The following PMM2 variants were observed in gnomAD, a reference collection of about 807,000 sequenced individuals.
PMM2 encodes the protein phosphomannomutase 2.
A neutral mutation model predicts 33.2 loss-of-function variants in PMM2; 35 were observed. That is an observed-to-expected ratio of 1.06 (90% CI 0.81 to 1.40). PMM2 has a LOEUF of 1.40. PMM2 is among the 40% of genes most tolerant of loss of function. The probability of loss-of-function intolerance (pLI) is 0.00; values close to 1 mark genes in which losing one functional copy is unlikely to be tolerated. For missense variants in PMM2, 386 were observed against 306.0 expected (o/e 1.26, Z -1.95); for synonymous variants, 153 against 114.7 (o/e 1.33, Z -2.13).
At chr16:8,824,155 A>G (rs1420095685) in intron 7 of PMM2, among the ~76,000 whole-genome samples, 1 of 152,234 alleles carries the variant, frequency 6.6e-6, no homozygotes, top group African/African-American at 2.4e-5. Context: ...AGCTCAAAAG[A>G]AAAATAGTTT....
chr16:8,813,166 G>T, intron 7 of PMM2, 60 bp downstream of exon 7: 1 of 1,074,762 alleles, frequency 9.3e-7, no homozygotes, highest in South Asian at 1.2e-5. Context: ...GGGGGAAATT[G>T]ACAACTGGGC....
chr16:8,832,794 C>G (rs563717323), intron 7 of PMM2: 2 of 985,328 alleles, frequency 2.0e-6, no homozygotes, highest in South Asian at 9.4e-5. Context: ...CCCGCTGTGG[C>G]CCGGCCCCAG....
intron 7 of PMM2, among the ~76,000 whole-genome samples, chr16:8,830,038 G>C (rs1208438941): frequency 1.3e-5 from 2 of 152,202 alleles, no homozygotes; most frequent in Non-Finnish European, 2.9e-5. Context: ...GCTACAGACA[G>C]ATACCCTGTG....
intron 7 of PMM2, among the ~76,000 whole-genome samples, chr16:8,819,242 A>G (rs1244210990): frequency 2.6e-5 from 4 of 152,350 alleles, no homozygotes; most frequent in Admixed American, 1.3e-4. Context: ...CTGGGATGCC[A>G]TGTAGCTGTA....
At chr16:8,810,247 G>A (rs758800598) in intron 4 of PMM2, 17 of 152,172 alleles carry the variant, frequency 1.1e-4, no homozygotes, top group Non-Finnish European at 1.6e-4. Flanking sequence ...ACTGAGGCTC[G>A]TTGGACAATT....
rs1217092307 is a variant in PMM2, at chr16:8,797,931, C to G, written c.49C>G (p.Leu17Val). 6.2e-7 allele frequency: 1 copy of G among 1,608,456 alleles called. No individual in the cohort carries two copies. The highest frequency in any genetic ancestry group is 1.1e-5 in the South Asian group (1 of 89,934). Residue 17 changes from leucine (L) to valine (V), a missense_variant, in exon 1 of 8, where the codon CTC (leucine) becomes GTC (valine). Transcript: ENST00000268261. Reference sequence around the variant, plus strand: ...CTGCCTCTTCGACGTGGATGGGACCCTCACCGCCCCGCGGCAGGTAAGTGG... The same window carrying G: ...CTGCCTCTTCGACGTGGATGGGACCGTCACCGCCCCGCGGCAGGTAAGTGG... ...ALCLFDVDGT[L>V]TAPRQKITKE...
chr16:8,832,648 C>T, intron 7 of PMM2: 21 of 985,436 alleles, frequency 2.1e-5, no homozygotes, highest in Non-Finnish European at 2.5e-5. Flanking sequence ...CTCCTAACTG[C>T]TCCCTTCAAT....
chr16:8,818,299 T>C (rs2060719106), intron 7 of PMM2, among the ~76,000 whole-genome samples: 1 of 152,254 alleles, frequency 6.6e-6, no homozygotes, highest in African/African-American at 2.4e-5. Flanking sequence ...GGGGTTTTGC[T>C]ATCATAACTA....
At position 8,801,860 on chromosome 16, in the gene PMM2, T is replaced by C; in HGVS notation, c.128T>C (p.Val43Ala). 6.2e-7 allele frequency: 1 copy of C among 1,612,018 alleles called. No individual in the cohort carries two copies. The highest frequency in any genetic ancestry group is 8.5e-7 in the Non-Finnish European group (1 of 1,178,762). ...QKLRQKIKIG[V>A]VGGSDFEKVQ... is the part of the protein sequence containing the mutation. ...TTGAGGCAGAAGATCAAAATCGGAGTGGTAGGCGGATCGGACTTTGAGAAA... is the reference window on the plus strand; with the variant it reads ...TTGAGGCAGAAGATCAAAATCGGAGCGGTAGGCGGATCGGACTTTGAGAAA... The change falls in exon 2 of 8, where the codon GTG (valine) becomes GCG (alanine). Residue 43 changes from valine (V) to alanine (A), a missense_variant. Physicochemically the swap from Val to Ala is moderately conservative, Grantham distance 64. Coordinates refer to ENST00000268261, the MANE Select transcript of PMM2 (RefSeq NM_000303.3).
At chr16:8,805,050 T>A (rs1299966600) in intron 3 of PMM2, among the ~76,000 whole-genome samples, 3 of 152,244 alleles carry the variant, frequency 2.0e-5, no homozygotes, top group Non-Finnish European at 4.4e-5. Flanking sequence ...AATATTTCTC[T>A]CTTTTCTTAT....
At chr16:8,814,391 G>A (rs531645018) in intron 7 of PMM2, among the ~76,000 whole-genome samples, 18 of 152,206 alleles carry the variant, frequency 1.2e-4, no homozygotes, top group African/African-American at 2.6e-4. Context: ...AGGCTTTCTC[G>A]CCATCCTGCA....
chr16:8,802,658 A>G lies in PMM2; in HGVS notation c.178+748A>G, dbSNP rs566903638. Among the ~76,000 whole-genome samples, 5 of 151,990 alleles carry G rather than the reference A, an allele frequency of 3.3e-5. No individual in the cohort carries two copies. In the East Asian group the frequency reaches 7.8e-4, roughly 24 times the overall value. ...AGCCTGGCCGACATGATCAAACCCC[A>G]TTTCTACTAAAACTACAAAAAATGA... On this transcript the variant is annotated intron_variant, in intron 2 of 7. Coordinates refer to ENST00000268261, the MANE Select transcript of PMM2 (RefSeq NM_000303.3).
intron 7 of PMM2, among the ~76,000 whole-genome samples, chr16:8,825,756 A>AT (rs35928064): frequency 0.76 from 102,117 of 134,166 alleles, 39,799 homozygotes; most frequent in East Asian, 0.96. Flanking sequence ...ATAAAACACT[A>AT]TTTTTTTTTT....
At chr16:8,800,271 G>C (rs1376105979) in intron 1 of PMM2, among the ~76,000 whole-genome samples, 1 of 150,694 alleles carries the variant, frequency 6.6e-6, no homozygotes, top group Admixed American at 6.6e-5. Context: ...TGAGACAGGA[G>C]AATCGCTTGA....
At chr16:8,819,675 A>G (rs2060726572) in intron 7 of PMM2, among the ~76,000 whole-genome samples, 1 of 151,352 alleles carries the variant, frequency 6.6e-6, no homozygotes, top group Non-Finnish European at 1.5e-5. Flanking sequence ...AGCCTAGGCA[A>G]CAGAGCGAGA....
chr16:8,846,637 C>G (rs920375555), intron 7 of PMM2, among the ~76,000 whole-genome samples: 1 of 152,154 alleles, frequency 6.6e-6, no homozygotes, highest in Non-Finnish European at 1.5e-5. Flanking sequence ...CCCTTGCAGA[C>G]TTTCTGAGGC....
chr16:8,833,602 CG>C (rs1251453723), intron 7 of PMM2, among the ~76,000 whole-genome samples: 4 of 151,070 alleles, frequency 2.6e-5, no homozygotes, highest in African/African-American at 9.7e-5. Flanking sequence ...TTAGGGGCGG[CG>C]TGGGAACCTA....
intron 7 of PMM2, among the ~76,000 whole-genome samples, chr16:8,829,832 T>C (rs1298334473): frequency 2.6e-5 from 4 of 152,176 alleles, no homozygotes; most frequent in African/African-American, 9.7e-5. Flanking sequence ...CCTCCACATA[T>C]ACAAACACAT....
At chr16:8,802,128 G>A (rs1295103695) in intron 2 of PMM2, 1 of 541,908 alleles carries the variant, frequency 1.8e-6, no homozygotes, top group Non-Finnish European at 3.5e-6. Flanking sequence ...AGATGTGTGA[G>A]TAGATTCACC....
Sources: allele counts gnomAD v4.1 joint callset (sites outside exome capture counted in the v4.1 genomes callset), GRCh38; gene constraint gnomAD v4.1.1; transcripts MANE v1.5; gene names NCBI Gene and HGNC (gene_info 2026-07-23, HGNC 2026-07-21).